Variants in MGMT observed in about 807,000 individuals in gnomAD.
MGMT encodes the protein O-6-methylguanine-DNA methyltransferase, also known as methylated-DNA--protein-cysteine methyltransferase.
MGMT carries 14 observed loss-of-function variants against 15.9 expected under a neutral mutation model. The observed-to-expected ratio is 0.88, with a 90% CI of 0.58 to 1.37. MGMT has a LOEUF of 1.37. Among genes scored for constraint, MGMT ranks in the 40% most tolerant of loss-of-function variants. The probability of loss-of-function intolerance (pLI) is 0.00; values close to 1 mark genes in which losing one functional copy is unlikely to be tolerated. For missense variants in MGMT, 282 were observed against 268.1 expected (o/e 1.05, Z -0.36); for synonymous variants, 130 against 118.2 (o/e 1.10, Z -0.65).
chr10:129,737,024 A>G (rs1381685448), intron 3 of MGMT, among the ~76,000 whole-genome samples: 6 of 151,994 alleles, frequency 3.9e-5, no homozygotes, highest in African/African-American at 1.5e-4. Flanking sequence ...GGTGAATCTG[A>G]CAATTATGTG....
Position 129,532,293 on chromosome 10 carries a change from G to A in MGMT, c.-12-3948G>A, listed in dbSNP as rs1394134728. 6.6e-6 allele frequency among the ~76,000 whole-genome samples: 1 copy of A among 152,224 alleles called. No individual in the cohort carries two copies. Among genetic ancestry groups the A allele is most frequent in the Non-Finnish European group, 1.5e-5 (1 of 68,042 alleles). On this transcript the variant is annotated intron_variant, in intron 1 of 4. Coordinates refer to ENST00000651593, the MANE Select transcript of MGMT (RefSeq NM_002412.5). The surrounding 1 kb of genome is among the most constrained non-coding windows in gnomAD (Gnocchi z 5.3). ...GCTGGGGTCCTTGGGCATTTCCTGGGTGGCGGTGCTCTCTGGGGTGCAGAG... is the reference window on the plus strand; with the variant it reads ...GCTGGGGTCCTTGGGCATTTCCTGGATGGCGGTGCTCTCTGGGGTGCAGAG...
intron 2 of MGMT, among the ~76,000 whole-genome samples, chr10:129,576,873 G>A (rs915176271): frequency 2.0e-5 from 3 of 152,158 alleles, no homozygotes; most frequent in Non-Finnish European, 4.4e-5. Context: ...AAAATCACAA[G>A]CATTCTTATA....
intron 2 of MGMT, among the ~76,000 whole-genome samples, chr10:129,574,196 C>T (rs1358669614): frequency 6.6e-6 from 1 of 152,218 alleles, no homozygotes; most frequent in Non-Finnish European, 1.5e-5. Context: ...CCTACAGCTT[C>T]TTGACCTTTT....
intron 2 of MGMT, among the ~76,000 whole-genome samples, chr10:129,601,076 A>T (rs1415270271): frequency 1.3e-5 from 2 of 151,268 alleles, no homozygotes; most frequent in Non-Finnish European, 2.9e-5. Flanking sequence ...GGCATTTTTC[A>T]TCTGAAAGCA....
chr10:129,602,452 A>G (rs1322869760), intron 2 of MGMT, among the ~76,000 whole-genome samples: 1 of 152,156 alleles, frequency 6.6e-6, no homozygotes, highest in Non-Finnish European at 1.5e-5. Context: ...CTCTTGTGAG[A>G]GCGGATTCAC....
intron 2 of MGMT, among the ~76,000 whole-genome samples, chr10:129,696,777 C>A (rs1189946523): frequency 3.3e-5 from 5 of 152,188 alleles, no homozygotes; most frequent in Non-Finnish European, 4.4e-5. Flanking sequence ...CTGTTTGTCC[C>A]AGGGCTCACT....
intron 1 of MGMT, among the ~76,000 whole-genome samples, chr10:129,513,681 AC>A (rs1237202550): frequency 1.3e-5 from 2 of 152,184 alleles, no homozygotes; most frequent in Non-Finnish European, 2.9e-5. Context: ...AACAAGGAGA[AC>A]TAGAATGTCT....
chr10:129,699,794 C>T (rs903720729), intron 2 of MGMT, among the ~76,000 whole-genome samples: 9 of 152,286 alleles, frequency 5.9e-5, no homozygotes, highest in African/African-American at 1.7e-4. Flanking sequence ...TTTACTTCTG[C>T]GCTAGGAATG....
chr10:129,594,695 G>A (rs145965726), intron 2 of MGMT, among the ~76,000 whole-genome samples: 2 of 152,310 alleles, frequency 1.3e-5, no homozygotes, highest in Admixed American at 6.5e-5. Context: ...AGAAACAGTG[G>A]GGCTGGAGAC....
Position 129,561,243 on chromosome 10 carries a change from C to G in MGMT, c.125+24866C>G, listed in dbSNP as rs139804321. ...CTTTCTATACAAGAGAGAGGTGGAG[C>G]CTGCCTGTGTCACGATGGGGAAGGC... is the stretch of plus-strand genomic sequence containing the variant. On this transcript the variant is annotated intron_variant, in intron 2 of 4. Transcript: ENST00000651593. 8.5e-5 allele frequency among the ~76,000 whole-genome samples: 13 copies of G among 152,232 alleles called. No homozygotes were observed. The East Asian group carries it at 2.1e-3, about 25-fold the overall frequency.
intron 3 of MGMT, among the ~76,000 whole-genome samples, chr10:129,739,278 A>C (rs1037543956): frequency 2.0e-5 from 3 of 152,234 alleles, no homozygotes; most frequent in African/African-American, 7.2e-5. Flanking sequence ...CTCCTGTTCA[A>C]CATACTGCTG....
chr10:129,561,374 G>A (rs1846276857), intron 2 of MGMT, among the ~76,000 whole-genome samples: 1 of 152,110 alleles, frequency 6.6e-6, no homozygotes, highest in African/African-American at 2.4e-5. Context: ...CACCCCAGCA[G>A]GGCCCATTCC....
intron 2 of MGMT, among the ~76,000 whole-genome samples, chr10:129,605,246 A>G (rs941548181): frequency 3.9e-5 from 6 of 152,222 alleles, no homozygotes; most frequent in African/African-American, 1.4e-4. Flanking sequence ...TTTAAATGCC[A>G]TTTCAAACAT....
intron 3 of MGMT, among the ~76,000 whole-genome samples, chr10:129,730,707 C>G (rs1354470787): frequency 6.6e-6 from 1 of 152,188 alleles, no homozygotes; most frequent in Non-Finnish European, 1.5e-5. Flanking sequence ...CCCTGCCCTC[C>G]TCTGATTTTT....
intron 2 of MGMT, among the ~76,000 whole-genome samples, chr10:129,602,433 G>A (rs1344904344): frequency 6.6e-6 from 1 of 152,054 alleles, no homozygotes; most frequent in African/African-American, 2.4e-5. Flanking sequence ...AAAGATAATT[G>A]GTGTGCTCCT....
intron 2 of MGMT, among the ~76,000 whole-genome samples, chr10:129,678,563 C>T (rs898581782): frequency 4.6e-5 from 7 of 152,210 alleles, no homozygotes; most frequent in Non-Finnish European, 1.0e-4. Flanking sequence ...AAACAAGCGT[C>T]TTCCCTGGGA....
intron 2 of MGMT, among the ~76,000 whole-genome samples, chr10:129,582,071 C>T (rs1846563001): frequency 6.6e-6 from 1 of 152,234 alleles, no homozygotes; most frequent in Non-Finnish European, 1.5e-5. Flanking sequence ...GGGGTGAATT[C>T]CTCCTTCACA....
At chr10:129,646,883 C>T (rs892064080) in intron 2 of MGMT, among the ~76,000 whole-genome samples, 2 of 151,024 alleles carry the variant, frequency 1.3e-5, no homozygotes, top group African/African-American at 4.9e-5. Context: ...GAAGGACAGG[C>T]GTGGCAGGCT....
At chr10:129,667,978 A>G (rs1288289597) in intron 2 of MGMT, among the ~76,000 whole-genome samples, 1 of 152,202 alleles carries the variant, frequency 6.6e-6, no homozygotes, top group African/African-American at 2.4e-5. Context: ...TGTTCTAGAT[A>G]TGGATCCTTT....
Sources: allele counts gnomAD v4.1 joint callset (sites outside exome capture counted in the v4.1 genomes callset), GRCh38; gene constraint gnomAD v4.1.1; non-coding constraint Gnocchi (gnomAD v3.1); transcripts MANE v1.5; gene names NCBI Gene and HGNC (gene_info 2026-07-23, HGNC 2026-07-21).